Variants in ABI3BP observed in about 807,000 individuals in gnomAD.
ABI3BP encodes target of Nesh-SH3.
A neutral mutation model predicts 268.6 loss-of-function variants in ABI3BP; 216 were observed. The observed-to-expected ratio is 0.80, with a 90% CI of 0.72 to 0.90. ABI3BP has a LOEUF of 0.90. Among genes scored for constraint, ABI3BP ranks in the 40% least tolerant of loss-of-function variants. ABI3BP has a pLI of 0.00. For missense variants in ABI3BP, 2,090 were observed against 2,182.4 expected, an observed-to-expected ratio of 0.96 and a Z score of 0.84; for synonymous variants, 730 against 730.0, an observed-to-expected ratio of 1.00 and a Z score of 0.00.
chr3:100,753,731 G>A (rs983333049), intron 65 of ABI3BP, 88 bp downstream of exon 65: 65 of 1,478,370 alleles, frequency 4.4e-5, no homozygotes, highest in Middle Eastern at 3.4e-4. Context: ...GGAAAAACGC[G>A]AAATCATGAT....
At chr3:100,969,479 G>A (rs2082643509) in intron 1 of ABI3BP, among the ~76,000 whole-genome samples, 2 of 152,136 alleles carry the variant, frequency 1.3e-5, no homozygotes, top group Non-Finnish European at 2.9e-5. Flanking sequence ...AATGTGGCCA[G>A]CAGCAGATCC....
At chr3:100,835,714 A>T in intron 27 of ABI3BP, 54 bp from the exon 28 acceptor site, 1 of 1,351,094 alleles carries the variant, frequency 7.4e-7, no homozygotes, top group Non-Finnish European at 1.0e-6. Context: ...AGAAAAACAA[A>T]GTTATTTTGA....
chr3:100,783,770 A>G (rs2096940571), intron 57 of ABI3BP, among the ~76,000 whole-genome samples: 1 of 152,252 alleles, frequency 6.6e-6, no homozygotes, highest in South Asian at 2.1e-4. Flanking sequence ...CATTGTACAT[A>G]GCACAATGTG....
At chr3:100,870,631 G>T (rs891379570) in intron 9 of ABI3BP, among the ~76,000 whole-genome samples, 5 of 152,156 alleles carry the variant, frequency 3.3e-5, no homozygotes, top group African/African-American at 1.2e-4. Context: ...ATAGAAAATG[G>T]TATGGAGTTT....
intron 61 of ABI3BP, 75 bp downstream of exon 61, chr3:100,774,530 C>T: frequency 8.3e-7 from 1 of 1,204,916 alleles, no homozygotes; most frequent in Non-Finnish European, 1.1e-6. Context: ...TGGTTTTTTA[C>T]ACAGCAATAA....
intron 1 of ABI3BP, among the ~76,000 whole-genome samples, chr3:100,950,622 A>T (rs2074518314): frequency 6.6e-6 from 1 of 152,044 alleles, no homozygotes; most frequent in Non-Finnish European, 1.5e-5. Flanking sequence ...GTGATAATTC[A>T]TTCTACATGA....
At chr3:100,773,225 G>A (rs2096602912) in intron 61 of ABI3BP, among the ~76,000 whole-genome samples, 1 of 151,954 alleles carries the variant, frequency 6.6e-6, no homozygotes, top group Non-Finnish European at 1.5e-5. Flanking sequence ...TTCAAAGTAT[G>A]TATCTAAAAA....
chr3:100,849,468 C>T (rs1362610164), intron 17 of ABI3BP, among the ~76,000 whole-genome samples: 3 of 152,112 alleles, frequency 2.0e-5, no homozygotes, highest in Non-Finnish European at 4.4e-5. Flanking sequence ...ATGTGATCTG[C>T]CTGCCTTGGC....
intron 46 of ABI3BP, 71 bp downstream of exon 46, chr3:100,812,396 C>T (rs1390709964): frequency 1.9e-6 from 2 of 1,026,862 alleles, no homozygotes; most frequent in East Asian, 6.3e-5. Context: ...AGCATGAGGA[C>T]ATCCAGAGAT....
At chr3:100,925,670 T>A (rs931237525) in intron 2 of ABI3BP, among the ~76,000 whole-genome samples, 1 of 151,924 alleles carries the variant, frequency 6.6e-6, no homozygotes, top group Non-Finnish European at 1.5e-5. Flanking sequence ...CACCTCAGCC[T>A]CCCAAAGTGC....
At chr3:100,805,694 G>A (rs188953472) in intron 50 of ABI3BP, among the ~76,000 whole-genome samples, 1 of 152,048 alleles carries the variant, frequency 6.6e-6, no homozygotes, top group East Asian at 1.9e-4. Flanking sequence ...AAATGCTGAG[G>A]ATCAAACATT....
chr3:100,917,336 CAT>C (rs1261981987), intron 2 of ABI3BP, among the ~76,000 whole-genome samples: 23 of 151,992 alleles, frequency 1.5e-4, no homozygotes, highest in African/African-American at 4.6e-4. Flanking sequence ...GTATGACCCA[CAT>C]GTGTCAGAGA....
At chr3:100,879,438 TGCGAAG>T (rs2099202751) in intron 6 of ABI3BP, among the ~76,000 whole-genome samples, 2 of 152,258 alleles carry the variant, frequency 1.3e-5, no homozygotes, top group East Asian at 3.8e-4. Context: ...TTTTGTTGAA[TGCGAAG>T]TCTTTCCAAG....
intron 3 of ABI3BP, among the ~76,000 whole-genome samples, chr3:100,900,473 A>C (rs959922284): frequency 3.9e-5 from 6 of 152,186 alleles, no homozygotes; most frequent in Non-Finnish European, 5.9e-5. Flanking sequence ...CCTCAATCAC[A>C]ATCTAGTTTT....
intron 2 of ABI3BP, among the ~76,000 whole-genome samples, chr3:100,923,688 C>A (rs933757470): frequency 1.3e-5 from 2 of 151,992 alleles, no homozygotes; most frequent in African/African-American, 4.8e-5. Flanking sequence ...TTGTACCAAC[C>A]TAATAAAACC....
chr3:100,800,240 C>A (rs1421033318), intron 51 of ABI3BP, among the ~76,000 whole-genome samples: 1 of 149,356 alleles, frequency 6.7e-6, no homozygotes, highest in Admixed American at 6.7e-5. Context: ...TGTTAATATT[C>A]CATTTAAAAA....
intron 1 of ABI3BP, among the ~76,000 whole-genome samples, chr3:100,933,866 G>A (rs539208466): frequency 1.3e-5 from 2 of 152,006 alleles, no homozygotes; most frequent in East Asian, 3.9e-4. Context: ...CAGGACAGAT[G>A]TTCTGTACCA....
chr3:100,797,986 G>A (rs1261020512), intron 51 of ABI3BP, among the ~76,000 whole-genome samples: 2 of 152,030 alleles, frequency 1.3e-5, no homozygotes, highest in African/African-American at 2.4e-5. Flanking sequence ...TGTTTATCTT[G>A]AGGCTGAAGA....
chr3:100,905,430 G>A (rs1392555483), intron 2 of ABI3BP, among the ~76,000 whole-genome samples: 1 of 151,780 alleles, frequency 6.6e-6, no homozygotes, highest in East Asian at 1.9e-4. Flanking sequence ...AAAGAAATAC[G>A]AATGACCAAG....
Sources: gnomAD v4.1 joint callset for allele counts (sites outside exome capture counted in the v4.1 genomes callset) on GRCh38, gnomAD v4.1.1 for gene constraint, MANE v1.5 for transcripts, NCBI Gene and HGNC (gene_info 2026-07-23, HGNC 2026-07-21) for gene names.